RNF213: variants seen among roughly 807,000 people sequenced by gnomAD.
RNF213 encodes E3 ubiquitin-protein ligase RNF213.
Under a neutral mutation model 514.4 loss-of-function variants are expected in RNF213, and 341 were observed. The observed-to-expected ratio is 0.66, with a 90% CI of 0.61 to 0.73. The LOEUF (loss-of-function observed/expected upper bound fraction) is 0.73, where lower values mean the gene tolerates loss of function less well. Ranked by LOEUF, RNF213 falls within the 30% of genes least tolerant of loss-of-function variation. RNF213 has a pLI of 0.00. For synonymous variants in RNF213, 2,655 were observed against 2,658.2 expected, an observed-to-expected ratio of 1.00 and a Z score of 0.04; for missense variants, 5,767 against 6,615.6, an observed-to-expected ratio of 0.87 and a Z score of 4.45.
In RNF213 at chr17:80,340,372, G is replaced by T; in HGVS notation, c.5989+16G>T. On this transcript the variant is annotated intron_variant, in intron 26 of 67. Transcript: ENST00000582970. ...GCAGGTGTTGGTAAGGAGAGCGGCA[G>T]GGTGGGCAGGCCCCGTCTCCCAGGG... 1 of 1,598,760 alleles carries T rather than the reference G, an allele frequency of 6.3e-7. No individual in the cohort carries two copies. The highest frequency in any genetic ancestry group is 2.3e-5 in the East Asian group (1 of 44,366).
At chr17:80,390,323 C>G in intron 67 of RNF213, 127 bp downstream of exon 67, 3 of 1,097,574 alleles carry the variant, frequency 2.7e-6, no homozygotes, top group Non-Finnish European at 4.0e-6. Flanking sequence ...TTTGTCATTA[C>G]CAGGGCACCT....
chr17:80,308,943 T>C, intron 13 of RNF213, 75 bp from the exon 14 acceptor site: 3 of 1,555,394 alleles, frequency 1.9e-6, no homozygotes, highest in Non-Finnish European at 2.7e-6. Flanking sequence ...AGGAAGGAGC[T>C]AGTCATCAAT....
In RNF213 at chr17:80,288,019, A is replaced by G. The variant is rs761558360; in HGVS notation, c.466A>G (p.Thr156Ala). The G allele has an allele frequency of 1.9e-6, 3 of 1,595,534 alleles. No homozygotes were observed. The South Asian group carries it at 3.4e-5, about 18-fold the overall frequency. The part of the protein sequence containing the change: ...QPSQPPGTAT[T>A]PLEGDGLSAP... ...GAGCCAGCCCCCAGGCACAGCCACC[A>G]CGCCACTGGAGGGTGACGGCCTCTC... The change falls in exon 4 of 68, where the codon ACG (threonine) becomes GCG (alanine). Residue 156 changes from threonine to alanine, a missense_variant. Transcript: ENST00000582970. This position sits in a 1 kb window ranked among gnomAD's most constrained non-coding sequence, Gnocchi z 4.9.
Position 80,309,066 on chromosome 17 carries a change from A to G in RNF213, c.2550A>G (p.Lys850=). The stretch of plus-strand genomic sequence containing the variant: ...CATCCTACCTGACTGTGTGTCTGAA[A>G]CTGCATGAAGCCATCTGCAGCAGCA... ...LSPSYLTVCL[K]LHEAICSSTK... is the part of the protein sequence containing the mutation. The change falls in exon 14 of 68, where the codon AAA becomes AAG. Residue 850 remains lysine (K), a synonymous_variant. Transcript: ENST00000582970. 1 of 1,614,162 alleles carries G rather than the reference A, an allele frequency of 6.2e-7. No homozygotes were observed. Among genetic ancestry groups the G allele is most frequent in the Non-Finnish European group, 8.5e-7 (1 of 1,180,040 alleles).
Position 80,346,387 on chromosome 17 carries a change from G to A in RNF213, c.8052G>A (p.Ser2684=), listed in dbSNP as rs139646516. 51 of 1,613,386 alleles carry A rather than the reference G, an allele frequency of 3.2e-5. No individual in the cohort carries two copies. The East Asian group carries it at 6.7e-4, about 21-fold the overall frequency. ...NHTERDPVLW[S]LMLAIGVCYH... is the part of the protein sequence containing the mutation. Reference sequence around the variant, plus strand: ...CCGAGAGAGATCCCGTCCTCTGGTCGTTGATGCTGGCCATCGGGGTGTGTT... The same window carrying A: ...CCGAGAGAGATCCCGTCCTCTGGTCATTGATGCTGGCCATCGGGGTGTGTT... The change falls in exon 29 of 68, where the codon TCG becomes TCA. Residue 2684 remains serine, a synonymous_variant. Transcript: ENST00000582970. This position sits in a 1 kb window ranked among gnomAD's most constrained non-coding sequence, Gnocchi z 8.1.
rs2080084135 is a variant in RNF213 at position 80,383,009 on chromosome 17, C to T, written c.14009C>T (p.Thr4670Ile). 2.5e-6 allele frequency: 4 copies of T among 1,613,752 alleles called. No homozygotes were observed. The highest frequency in any genetic ancestry group is 3.4e-6 in the Non-Finnish European group (4 of 1,179,832). ...RLLNFDTELS[T>I]KEMRNNWEKE... ...TTAAATTTTGACACAGAATTGTCAACTAAAGAAATGAGGAACAACTGGGAA... is the reference window on the plus strand; with the variant it reads ...TTAAATTTTGACACAGAATTGTCAATTAAAGAAATGAGGAACAACTGGGAA... Residue 4670 changes from threonine (T) to isoleucine (I), a missense_variant, in exon 58 of 68, where the codon ACT becomes ATT. By Grantham distance (89) the Thr-to-Ile change is moderately conservative (BLOSUM62 -1). Transcript: ENST00000582970.
rs1481603586 is a variant in RNF213 at position 80,339,282 on chromosome 17, G to A, written c.4915G>A (p.Ala1639Thr). 1.3e-6 allele frequency: 2 copies of A among 1,535,486 alleles called. No individual in the cohort carries two copies. The highest frequency in any genetic ancestry group is 2.0e-5 in the Admixed American group (1 of 50,970). Residue 1639 changes from alanine to threonine, a missense_variant, in exon 26 of 68, where the codon GCC becomes ACC. Physicochemically the swap from Ala to Thr is moderately conservative, Grantham distance 58. Around this residue, in one of 13 missense-constraint regions of RNF213, gnomAD observed 1,377 missense variants for 1,635.2 expected, o/e 0.84. Transcript: ENST00000582970. ...AGNMLFRTWI[A>T]MAYCSPKQGV... is the part of the protein sequence containing the mutation. ...GAATATGCTGTTCAGGACGTGGATC[G>A]CCATGGCCTACTGCTCCCCCAAGCA...
chr17:80,281,856 TTTA>T (rs1355097290), intron 3 of RNF213, among the ~76,000 whole-genome samples: 1 of 152,108 alleles, frequency 6.6e-6, no homozygotes, highest in African/African-American at 2.4e-5. Context: ...CACTTAATTT[TTTA>T]TTTTTTTTAT....
Position 80,354,499 on chromosome 17 carries a change from G to A in RNF213, c.10785G>A (p.Glu3595=). 6.2e-7 allele frequency: 1 copy of A among 1,614,204 alleles called. No homozygotes were observed. Among genetic ancestry groups the A allele is most frequent in the Non-Finnish European group, 8.5e-7 (1 of 1,180,042 alleles). ...RLSVFLKKQE[E]SQFHPLEWLA... is the part of the protein sequence containing the mutation. ...GTGTCTTTTTAAAGAAGCAAGAAGAGAGCCAGTTTCACCCTCTGGAGTGGT... is the reference window on the plus strand; with the variant it reads ...GTGTCTTTTTAAAGAAGCAAGAAGAAAGCCAGTTTCACCCTCTGGAGTGGT... The change falls in exon 36 of 68, where the codon GAG becomes GAA. Residue 3595 remains glutamate (E), a synonymous_variant. Transcript: ENST00000582970.
chr17:80,367,851 G>A lies in RNF213; in HGVS notation c.11972+3G>A, dbSNP rs2079342138. On this transcript the variant is annotated splice_donor_region_variant and intron_variant, in intron 43 of 67. Transcript: ENST00000582970. ...ACAGCCAGCAAGACCCTCAGCAGGT[G>A]AGACCTTAGGTTTGGATCTGTGAAG... 4.3e-6 allele frequency: 7 copies of A among 1,614,196 alleles called. No individual in the cohort carries two copies. The highest frequency in any genetic ancestry group is 5.9e-6 in the Non-Finnish European group (7 of 1,179,980).
At chr17:80,339,010 C>T (rs1224576808) in intron 25 of RNF213, among the ~76,000 whole-genome samples, 191 bp from the exon 26 acceptor site, 1 of 151,928 alleles carries the variant, frequency 6.6e-6, no homozygotes, top group Non-Finnish European at 1.5e-5. Flanking sequence ...TACAATGACT[C>T]TTTCCCTGAT....
chr17:80,311,670 C>T (rs1187720573), intron 14 of RNF213, among the ~76,000 whole-genome samples: 1 of 152,196 alleles, frequency 6.6e-6, no homozygotes, highest in Non-Finnish European at 1.5e-5. Flanking sequence ...TGGGCTTTTC[C>T]TCTCTCCCAC....
At chr17:80,287,088 C>T (rs540432865) in intron 3 of RNF213, among the ~76,000 whole-genome samples, 13 of 152,166 alleles carry the variant, frequency 8.5e-5, no homozygotes, top group South Asian at 2.1e-4. Context: ...AGGCCAGGCA[C>T]GGTGGCTCAC....
At chr17:80,276,340 T>C (rs958393581) in intron 3 of RNF213, among the ~76,000 whole-genome samples, 7 of 152,116 alleles carry the variant, frequency 4.6e-5, no homozygotes, top group African/African-American at 1.7e-4. Flanking sequence ...CTTCAGGTGC[T>C]CTGCCCACCT....
intron 3 of RNF213, among the ~76,000 whole-genome samples, chr17:80,286,786 G>T (rs899217718): frequency 2.0e-5 from 3 of 152,028 alleles, no homozygotes; most frequent in African/African-American, 7.3e-5. Flanking sequence ...TCACTTTCCT[G>T]TACTGACCTG....
At chr17:80,261,423 C>G (rs1290365131) in intron 1 of RNF213, among the ~76,000 whole-genome samples, 1 of 152,192 alleles carries the variant, frequency 6.6e-6, no homozygotes. Flanking sequence ...GTCGCCCGAG[C>G]GCGGGGCTCA....
rs2030478590 is a variant in RNF213 at position 80,333,962 on chromosome 17, G to A, written c.4144-143G>A. 4 of 850,794 alleles carry A rather than the reference G, an allele frequency of 4.7e-6. No homozygotes were observed. The East Asian group carries it at 1.1e-4, about 23-fold the overall frequency. The allele number at this position is 850,794 out of a possible 1,614,324, so 52.7% of individuals were successfully genotyped here. A position where few individuals can be genotyped will look rare whatever the true frequency, so the allele number is the denominator to read the frequency against. ...TTGATCATCCAATTCAGGGGTAAGA[G>A]CTTGGTGTGCCTGTTGTCACAGCAG... On this transcript the variant is annotated intron_variant, in intron 21 of 67. Coordinates refer to ENST00000582970, the MANE Select transcript of RNF213 (RefSeq NM_001256071.3).
chr17:80,298,251 G>A (rs1271098000), intron 10 of RNF213, 70 bp from the exon 11 acceptor site: 3 of 1,522,346 alleles, frequency 2.0e-6, no homozygotes, highest in African/African-American at 1.4e-5. Flanking sequence ...TTCCTGTTGG[G>A]ACTCCAGACT....
intron 2 of RNF213, among the ~76,000 whole-genome samples, chr17:80,267,489 A>T (rs2043648193): frequency 6.6e-6 from 1 of 152,176 alleles, no homozygotes; most frequent in Admixed American, 6.5e-5. Flanking sequence ...ATGATTAGAG[A>T]GTGAAACAGC....
Sources: gnomAD v4.1 joint callset for allele counts (sites outside exome capture counted in the v4.1 genomes callset) on GRCh38, gnomAD v4.1.1 for gene constraint, gnomAD v4.1.1 regional missense constraint, Gnocchi (gnomAD v3.1) non-coding constraint, MANE v1.5 for transcripts, NCBI Gene and HGNC (gene_info 2026-07-23, HGNC 2026-07-21) for gene names.